Variants in AREL1 observed in about 807,000 individuals in gnomAD.
The protein encoded by AREL1 is apoptosis resistant E3 ubiquitin protein ligase 1, also known as apoptosis-resistant E3 ubiquitin protein ligase 1.
A neutral mutation model predicts 99.0 loss-of-function variants in AREL1; 62 were observed. The ratio of observed to expected loss-of-function variants is 0.63; its 90% CI spans 0.51 to 0.77. AREL1 has a LOEUF of 0.77. AREL1 is among the 30% of genes least tolerant of loss of function. The probability of loss-of-function intolerance (pLI) is 0.00; values close to 1 mark genes in which losing one functional copy is unlikely to be tolerated. For missense variants in AREL1, 879 were observed against 1,027.6 expected (o/e 0.86, Z 1.98); for synonymous variants, 380 against 376.5 (o/e 1.01, Z -0.11).
rs777647215 is a variant in AREL1 at position 74,683,331 on chromosome 14, A to C, written c.446T>G (p.Val149Gly). ...AATTTTGTAGTAGGGACTATATGCCACATTTAATCCACCAAGCTTCACTGT... is the reference window on the plus strand; with the variant it reads ...AATTTTGTAGTAGGGACTATATGCCCCATTTAATCCACCAAGCTTCACTGT... ...EITVKLGGLN[V>G]AYSPYYKIFQ... The change falls in exon 5 of 20, where the codon GTG (valine) becomes GGG (glycine). Residue 149 changes from valine (V) to glycine (G), a missense_variant. Coordinates refer to ENST00000356357, the MANE Select transcript of AREL1 (RefSeq NM_001039479.2). The C allele has an allele frequency of 2.5e-6, 4 of 1,614,174 alleles. No homozygotes were observed. The highest frequency in any genetic ancestry group is 1.7e-6 in the Non-Finnish European group (2 of 1,180,008).
rs2089481878 is a variant in AREL1, at chr14:74,676,563, AAAG to A, written c.651+17_651+19del. 6.2e-7 allele frequency: 1 copy of A among 1,608,290 alleles called. No individual in the cohort carries two copies. The highest frequency in any genetic ancestry group is 1.3e-5 in the African/African-American group (1 of 74,548). Reference sequence around the variant, plus strand: ...AGCCAGCTCTCTCTAGCACACAGATAAAGAAGGGAGACTGCTTACCTCATGAAT... The same window carrying A: ...AGCCAGCTCTCTCTAGCACACAGATAAAGGGAGACTGCTTACCTCATGAAT... On this transcript the variant is annotated intron_variant, in intron 6 of 19. Coordinates refer to ENST00000356357, the MANE Select transcript of AREL1 (RefSeq NM_001039479.2).
intron 2 of AREL1, among the ~76,000 whole-genome samples, chr14:74,689,653 A>G (rs2089830987): frequency 7.3e-6 from 1 of 136,332 alleles, no homozygotes; most frequent in African/African-American, 2.8e-5. Context: ...GCTGGAGTGC[A>G]ATGGCGTGAT....
At chr14:74,664,713 C>G in intron 18 of AREL1, 123 bp downstream of exon 18, 1 of 662,392 alleles carries the variant, frequency 1.5e-6, no homozygotes. Flanking sequence ...CCTGCCTCAG[C>G]CTCCCAAAGT....
At chr14:74,666,717 GA>G (rs1241344930) in intron 17 of AREL1, among the ~76,000 whole-genome samples, 8 of 140,328 alleles carry the variant, frequency 5.7e-5, no homozygotes, top group African/African-American at 2.2e-4. Flanking sequence ...ACTACTCATT[GA>G]TTTTTTTTTT....
chr14:74,667,408 C>A (rs1274688164), intron 16 of AREL1, 31 bp from the exon 17 acceptor site: 6 of 1,614,154 alleles, frequency 3.7e-6, no homozygotes, highest in Non-Finnish European at 5.1e-6. Flanking sequence ...TAAAGTCATA[C>A]CCACACCATG....
At position 74,663,879 on chromosome 14, in the gene AREL1, T is replaced by C. The variant is rs1328435960; in HGVS notation, c.2369+20A>G. 6.2e-7 allele frequency: 1 copy of C among 1,614,116 alleles called. No homozygotes were observed. The highest frequency in any genetic ancestry group is 8.5e-7 in the Non-Finnish European group (1 of 1,180,006). On this transcript the variant is annotated intron_variant, in intron 19 of 19. Transcript: ENST00000356357. ...TACCACCAAAAACACTGGGCATGCATCAGGCGGGCAGATACCTACCATGTG... is the reference window on the plus strand; with the variant it reads ...TACCACCAAAAACACTGGGCATGCACCAGGCGGGCAGATACCTACCATGTG...
At chr14:74,678,366 T>C (rs1360293828) in intron 5 of AREL1, 1 of 345,024 alleles carries the variant, frequency 2.9e-6, no homozygotes, top group East Asian at 9.2e-5. Context: ...AGCACGGTGG[T>C]GCACGCCTGT....
At chr14:74,695,041 A>G (rs1439922815) in intron 1 of AREL1, among the ~76,000 whole-genome samples, 2 of 149,094 alleles carry the variant, frequency 1.3e-5, no homozygotes, top group African/African-American at 4.9e-5. Context: ...AGAAATTAAG[A>G]TAACAGATTA....
chr14:74,678,279 T>C, intron 5 of AREL1: 1 of 449,604 alleles, frequency 2.2e-6, no homozygotes, highest in Non-Finnish European at 4.4e-6. Context: ...GGAAGATTAC[T>C]TGAGTCCAGG....
chr14:74,694,325 A>C (rs897140439), intron 1 of AREL1, among the ~76,000 whole-genome samples: 6 of 152,254 alleles, frequency 3.9e-5, no homozygotes, highest in Non-Finnish European at 7.3e-5. Flanking sequence ...ACTATGTAGA[A>C]TACTATATAA....
Position 74,672,937 on chromosome 14 carries a change from A to G in AREL1, c.1316T>C (p.Phe439Ser). ...CTGGAAAAAGTTCACCTTGTCCTGAAAGGTCTCAGAGCCTCCTGGGGAACA... is the reference window on the plus strand; with the variant it reads ...CTGGAAAAAGTTCACCTTGTCCTGAGAGGTCTCAGAGCCTCCTGGGGAACA... The part of the protein sequence containing the change: ...LHKNIGGSET[F>S]QDKVNFFQRE... The change falls in exon 11 of 20, where the codon TTT (phenylalanine) becomes TCT (serine). Residue 439 changes from phenylalanine to serine, a missense_variant. Transcript: ENST00000356357. 1.2e-6 allele frequency: 2 copies of G among 1,614,120 alleles called. No individual in the cohort carries two copies. Among genetic ancestry groups the G allele is most frequent in the Non-Finnish European group, 1.7e-6 (2 of 1,180,000 alleles).
intron 1 of AREL1, among the ~76,000 whole-genome samples, chr14:74,702,117 T>A (rs1242572983): frequency 6.6e-6 from 1 of 152,162 alleles, no homozygotes; most frequent in Non-Finnish European, 1.5e-5. Context: ...AAACTGTCAG[T>A]GAATCTACCA....
chr14:74,674,011 A>C, intron 9 of AREL1, 23 bp downstream of exon 9: 1 of 1,586,044 alleles, frequency 6.3e-7, no homozygotes, highest in Non-Finnish European at 8.7e-7. Flanking sequence ...CTTGATGTGA[A>C]CCAGATGTAA....
Position 74,698,857 on chromosome 14 carries a change from C to T in AREL1, c.-333-6529G>A, listed in dbSNP as rs113173712. Reference sequence around the variant, plus strand: ...TGGGTAACATAGTGAGATCCCATCTCTAAAAAAAAAAAAAAAAAAAGCTGG... The same window carrying T: ...TGGGTAACATAGTGAGATCCCATCTTTAAAAAAAAAAAAAAAAAAAGCTGG... On this transcript the variant is annotated intron_variant, in intron 1 of 19. Transcript: ENST00000356357. 259 of 110,254 alleles carry T rather than the reference C, an allele frequency of 2.3e-3. 1 individual carries two copies. Among genetic ancestry groups the T allele is most frequent in the African/African-American group, 0.011 (245 of 21,604 alleles). The allele number at this position is 110,254 out of a possible 1,614,324, so 6.8% of individuals were successfully genotyped here.
intron 15 of AREL1, among the ~76,000 whole-genome samples, chr14:74,668,465 T>G (rs2089256731): frequency 6.6e-6 from 1 of 151,796 alleles, no homozygotes; most frequent in African/African-American, 2.4e-5. Context: ...TGCACAATCC[T>G]GGATTTTTTT....
At chr14:74,700,268 C>G (rs1396730170) in intron 1 of AREL1, among the ~76,000 whole-genome samples, 1 of 152,146 alleles carries the variant, frequency 6.6e-6, no homozygotes, top group African/African-American at 2.4e-5. Context: ...CATACTTTAT[C>G]CATATTTTAT....
chr14:74,708,071 A>T (rs1463894603), intron 1 of AREL1, among the ~76,000 whole-genome samples: 1 of 152,196 alleles, frequency 6.6e-6, no homozygotes, highest in African/African-American at 2.4e-5. Flanking sequence ...AATCCAAATA[A>T]AGTCTATAGT....
At position 74,664,075 on chromosome 14, in the gene AREL1, C is replaced by G; in HGVS notation, c.2194-1G>C. The G allele has an allele frequency of 6.2e-7, 1 of 1,612,614 alleles. No individual in the cohort carries two copies. Among genetic ancestry groups the G allele is most frequent in the Non-Finnish European group, 8.5e-7 (1 of 1,179,176 alleles). ...CCACAGTCCAAAACCACCTCATGAC[C>G]TGGCAGGGAGAGCACAAGGCTGGGA... On this transcript the variant is annotated splice_acceptor_variant, in intron 18 of 19. Coordinates refer to ENST00000356357, the MANE Select transcript of AREL1 (RefSeq NM_001039479.2). LOFTEE classifies it high-confidence loss of function.
intron 3 of AREL1, 30 bp from the exon 4 acceptor site, chr14:74,684,710 C>T (rs2089711883): frequency 1.9e-6 from 3 of 1,594,880 alleles, no homozygotes; most frequent in Non-Finnish European, 2.6e-6. Flanking sequence ...CACAAACCGC[C>T]TGCCAGTTAC....
Sources: gnomAD v4.1 joint callset for allele counts (sites outside exome capture counted in the v4.1 genomes callset) on GRCh38, gnomAD v4.1.1 for gene constraint, MANE v1.5 for transcripts, NCBI Gene and HGNC (gene_info 2026-07-23, HGNC 2026-07-21) for gene names.